Variants in ASIC2 observed in about 807,000 individuals in gnomAD.
ASIC2 encodes the protein acid-sensing ion channel 2.
In ASIC2, 25 loss-of-function variants were observed where a neutral mutation model predicts 57.3. The observed-to-expected ratio is 0.44, with a 90% CI of 0.32 to 0.61. ASIC2 has a LOEUF of 0.61. Among genes scored for constraint, ASIC2 ranks in the 20% least tolerant of loss-of-function variants. The pLI is 0.06. For missense variants in ASIC2, 641 were observed against 738.1 expected (o/e 0.87, Z 1.52); for synonymous variants, 319 against 307.5 (o/e 1.04, Z -0.39).
intron 1 of ASIC2, among the ~76,000 whole-genome samples, chr17:33,546,762 C>T (rs989431821): frequency 2.0e-5 from 3 of 152,156 alleles, no homozygotes; most frequent in Admixed American, 2.0e-4. Flanking sequence ...GGGCTTGAAA[C>T]ATTTCTCTCT....
chr17:33,317,740 T>C (rs537276083), intron 1 of ASIC2, among the ~76,000 whole-genome samples: 1 of 151,966 alleles, frequency 6.6e-6, no homozygotes, highest in Non-Finnish European at 1.5e-5. Flanking sequence ...AAGAATCCCA[T>C]AAAAGAAGGT....
chr17:33,300,550 G>A (rs1004384328), intron 1 of ASIC2, among the ~76,000 whole-genome samples: 1 of 152,152 alleles, frequency 6.6e-6, no homozygotes, highest in Admixed American at 6.5e-5. Flanking sequence ...TAAACAGCAG[G>A]TTATGCAGAT....
intron 1 of ASIC2, among the ~76,000 whole-genome samples, chr17:34,032,564 T>A (rs538428010): frequency 2.6e-5 from 4 of 152,188 alleles, no homozygotes; most frequent in Non-Finnish European, 5.9e-5. Flanking sequence ...AGACACAGAC[T>A]GGCAAATTGG....
At chr17:33,218,984 TA>T (rs1907601691) in intron 1 of ASIC2, among the ~76,000 whole-genome samples, 2 of 152,238 alleles carry the variant, frequency 1.3e-5, no homozygotes, top group Admixed American at 1.3e-4. Context: ...TTTCTCCAGC[TA>T]TTCTGATCTC....
chr17:33,076,612 A>T (rs2092089966), intron 3 of ASIC2, among the ~76,000 whole-genome samples: 1 of 152,258 alleles, frequency 6.6e-6, no homozygotes, highest in African/African-American at 2.4e-5. Context: ...TGATATGCAT[A>T]CATGCACATT....
chr17:33,623,788 C>G (rs1905888088), intron 1 of ASIC2, among the ~76,000 whole-genome samples: 1 of 151,936 alleles, frequency 6.6e-6, no homozygotes, highest in Admixed American at 6.6e-5. Context: ...TTCTTTTTCT[C>G]TACTCCAGGT....
At chr17:34,040,225 G>A (rs1166846180) in intron 1 of ASIC2, among the ~76,000 whole-genome samples, 4 of 145,320 alleles carry the variant, frequency 2.8e-5, no homozygotes, top group African/African-American at 5.3e-5. Flanking sequence ...GGGCCCGCTC[G>A]GCTGGGGGCC....
chr17:33,833,716 G>C (rs1873471), intron 1 of ASIC2, among the ~76,000 whole-genome samples: 94,908 of 152,002 alleles, frequency 0.62, 30,705 homozygotes, highest in African/African-American at 0.81. Flanking sequence ...TGTTTGATAT[G>C]TATGAAGGCA....
At chr17:33,493,704 G>A (rs1913835162) in intron 1 of ASIC2, among the ~76,000 whole-genome samples, 1 of 152,026 alleles carries the variant, frequency 6.6e-6, no homozygotes, top group Admixed American at 6.5e-5. Context: ...GTCTGCCCTT[G>A]CCTTGCTGGG....
At chr17:33,850,572 T>C (rs2141915266) in intron 1 of ASIC2, among the ~76,000 whole-genome samples, 1 of 152,208 alleles carries the variant, frequency 6.6e-6, no homozygotes, top group East Asian at 1.9e-4. Flanking sequence ...CTGCTTGGTT[T>C]GACAGCCTGT....
At chr17:33,159,448 T>A (rs929840028) in intron 1 of ASIC2, among the ~76,000 whole-genome samples, 7 of 152,148 alleles carry the variant, frequency 4.6e-5, no homozygotes, top group African/African-American at 1.7e-4. Context: ...GGAGACACTG[T>A]TCTAGATCAG....
chr17:33,631,460 G>A (rs1906167117), intron 1 of ASIC2, among the ~76,000 whole-genome samples: 1 of 151,756 alleles, frequency 6.6e-6, no homozygotes, highest in Non-Finnish European at 1.5e-5. Context: ...TATGGGCTTT[G>A]GAGAGAGACC....
chr17:34,154,036 C>A (rs1159772382), intron 1 of ASIC2, among the ~76,000 whole-genome samples: 1 of 152,128 alleles, frequency 6.6e-6, no homozygotes, highest in Non-Finnish European at 1.5e-5. Flanking sequence ...GAAGAAGCCA[C>A]CAGTTGGACA....
chr17:33,481,601 A>T (rs1309044096), intron 1 of ASIC2, among the ~76,000 whole-genome samples: 1 of 152,158 alleles, frequency 6.6e-6, no homozygotes, highest in Non-Finnish European at 1.5e-5. Flanking sequence ...GATGTTTGAG[A>T]AATAGTCGTT....
chr17:33,914,935 C>G (rs1210852232), intron 1 of ASIC2, among the ~76,000 whole-genome samples: 2 of 152,166 alleles, frequency 1.3e-5, no homozygotes, highest in East Asian at 3.9e-4. Context: ...AGAATAGATA[C>G]TTTCGGAAGG....
At chr17:33,497,032 G>A (rs752430790) in intron 1 of ASIC2, among the ~76,000 whole-genome samples, 2 of 152,212 alleles carry the variant, frequency 1.3e-5, no homozygotes, top group Non-Finnish European at 2.9e-5. Flanking sequence ...CTAGCCCACA[G>A]TGGATGCTCA....
intron 1 of ASIC2, among the ~76,000 whole-genome samples, chr17:33,356,795 C>T (rs1235959124): frequency 6.6e-6 from 1 of 152,098 alleles, no homozygotes; most frequent in Non-Finnish European, 1.5e-5. Flanking sequence ...TTCTTTGGCT[C>T]TGCAATCACG....
intron 1 of ASIC2, among the ~76,000 whole-genome samples, chr17:33,909,403 G>A (rs1363095958): frequency 6.6e-6 from 1 of 152,238 alleles, no homozygotes. Context: ...GGGTGAGTTG[G>A]CAGGCACACT....
chr17:33,075,722 G>A (rs1452864346), intron 3 of ASIC2, among the ~76,000 whole-genome samples: 2 of 152,128 alleles, frequency 1.3e-5, no homozygotes, highest in African/African-American at 4.8e-5. Context: ...CCCCTACTAT[G>A]TCCTGAGCAC....
Sources: allele counts gnomAD v4.1 joint callset (sites outside exome capture counted in the v4.1 genomes callset), GRCh38; gene constraint gnomAD v4.1.1; transcripts MANE v1.5; gene names NCBI Gene and HGNC (gene_info 2026-07-23, HGNC 2026-07-21).